GRID1: variants seen among roughly 807,000 people sequenced by gnomAD.
GRID1 encodes glutamate ionotropic receptor delta type subunit 1.
GRID1 carries 28 observed loss-of-function variants against 98.0 expected under a neutral mutation model. That is an observed-to-expected ratio of 0.29 (90% CI 0.21 to 0.39). The LOEUF is 0.39. Among genes scored for constraint, GRID1 ranks in the 10% least tolerant of loss-of-function variants. The pLI is 1.00. For synonymous variants in GRID1, 553 were observed against 538.5 expected (o/e 1.03, Z -0.37); for missense variants, 1,111 against 1,340.5 (o/e 0.83, Z 2.67).
At chr10:85,862,923 T>A (rs1334633229) in intron 6 of GRID1, among the ~76,000 whole-genome samples, 2 of 151,948 alleles carry the variant, frequency 1.3e-5, no homozygotes, top group African/African-American at 4.8e-5. Context: ...GAGGAGATAA[T>A]GGAGCACTGG....
chr10:86,255,420 C>G (rs1384820734), intron 2 of GRID1, among the ~76,000 whole-genome samples: 2 of 152,160 alleles, frequency 1.3e-5, no homozygotes, highest in Non-Finnish European at 2.9e-5. Flanking sequence ...GAGAAGCGCA[C>G]TAAGGCCAAG....
intron 8 of GRID1, among the ~76,000 whole-genome samples, chr10:85,735,167 T>C (rs1205120933): frequency 6.6e-6 from 1 of 152,202 alleles, no homozygotes; most frequent in Non-Finnish European, 1.5e-5. Flanking sequence ...GAATTTTGTT[T>C]ACAGGATCGA....
intron 4 of GRID1, among the ~76,000 whole-genome samples, chr10:85,968,450 C>CAAAAAA (rs56938729): frequency 2.9e-5 from 3 of 102,426 alleles, no homozygotes; most frequent in Non-Finnish European, 6.1e-5. Flanking sequence ...GACTCTGTCT[C>CAAAAAA]AAAAAAAAAA....
At chr10:86,355,202 C>T (rs1327280953) in intron 2 of GRID1, among the ~76,000 whole-genome samples, 1 of 152,242 alleles carries the variant, frequency 6.6e-6, no homozygotes, top group Non-Finnish European at 1.5e-5. Context: ...AGGTTGCCCA[C>T]CCAGAGTCAG....
intron 8 of GRID1, among the ~76,000 whole-genome samples, chr10:85,838,975 A>G (rs1374125632): frequency 2.0e-5 from 3 of 152,232 alleles, no homozygotes; most frequent in Non-Finnish European, 4.4e-5. Flanking sequence ...GGGAAACAGA[A>G]AAAAGCAGAG....
In GRID1 at chr10:86,130,096, T is replaced by C. The variant is rs555119858; in HGVS notation, c.726+8723A>G. 3.9e-5 allele frequency among the ~76,000 whole-genome samples: 6 copies of C among 152,360 alleles called. No homozygotes were observed. The South Asian group carries it at 1.2e-3, about 32-fold the overall frequency. On this transcript the variant is annotated intron_variant, in intron 4 of 15. Coordinates refer to ENST00000327946, the MANE Select transcript of GRID1 (RefSeq NM_017551.3). ...ATCCTCACCAGCCAGCCCAGATGCA[T>C]GAGCCAGCCCAGCTGAGATCCAGTG...
chr10:85,696,178 A>G (rs1841390805), intron 12 of GRID1, among the ~76,000 whole-genome samples: 1 of 152,200 alleles, frequency 6.6e-6, no homozygotes, highest in South Asian at 2.1e-4. Context: ...ATACAAATTC[A>G]GTCCTTAGAT....
rs574131466 is a variant in GRID1 at position 85,857,210 on chromosome 10, T to C, written c.952-1020A>G. 5.3e-5 allele frequency among the ~76,000 whole-genome samples: 8 copies of C among 152,254 alleles called. No individual in the cohort carries two copies. The South Asian group carries it at 1.7e-3, about 32-fold the overall frequency. ...CCCATCTGAGGACCACCCTTCTGCTTAGTTGTCTGATGTGAGCTCAGTGGT... is the reference window on the plus strand; with the variant it reads ...CCCATCTGAGGACCACCCTTCTGCTCAGTTGTCTGATGTGAGCTCAGTGGT... On this transcript the variant is annotated intron_variant, in intron 6 of 15. Transcript: ENST00000327946.
At chr10:85,615,876 G>A (rs1161666903) in intron 14 of GRID1, among the ~76,000 whole-genome samples, 2 of 152,218 alleles carry the variant, frequency 1.3e-5, no homozygotes, top group African/African-American at 4.8e-5. Context: ...CTTTGAGGAT[G>A]TCAGCAGTTG....
At chr10:85,827,899 C>A (rs1457139161) in intron 8 of GRID1, among the ~76,000 whole-genome samples, 1 of 152,114 alleles carries the variant, frequency 6.6e-6, no homozygotes, top group Non-Finnish European at 1.5e-5. Context: ...CTAATGAAGA[C>A]ATTCAGGACT....
chr10:86,305,094 C>T (rs1286438128), intron 2 of GRID1, among the ~76,000 whole-genome samples: 1 of 148,860 alleles, frequency 6.7e-6, no homozygotes, highest in Non-Finnish European at 1.5e-5. Context: ...GTCTTATCAG[C>T]TGAAGGGCTT....
intron 8 of GRID1, among the ~76,000 whole-genome samples, chr10:85,820,027 A>AAGGAAGGAAGGCAGGC (rs1564600207): frequency 2.3e-4 from 15 of 66,504 alleles, no homozygotes; most frequent in South Asian, 1.0e-3. Flanking sequence ...GGAAGGAAGG[A>AAGGAAGGAAGGCAGGC]AGGCAGGCAG....
At chr10:86,312,563 A>G (rs1465656090) in intron 2 of GRID1, among the ~76,000 whole-genome samples, 1 of 152,232 alleles carries the variant, frequency 6.6e-6, no homozygotes, top group African/African-American at 2.4e-5. Flanking sequence ...CCAGTGAAAT[A>G]GGAAGCAGTG....
At chr10:85,740,830 C>A (rs960706665) in intron 8 of GRID1, among the ~76,000 whole-genome samples, 1 of 151,916 alleles carries the variant, frequency 6.6e-6, no homozygotes, top group African/African-American at 2.4e-5. Flanking sequence ...TAGCTCACTG[C>A]AAACTTTGCC....
intron 2 of GRID1, among the ~76,000 whole-genome samples, chr10:86,270,980 G>A (rs1041937493): frequency 2.6e-5 from 4 of 152,180 alleles, no homozygotes; most frequent in Non-Finnish European, 4.4e-5. Context: ...CAGATTTGGA[G>A]CTCAGAGTCT....
At chr10:85,971,081 T>C (rs1476424613) in intron 4 of GRID1, among the ~76,000 whole-genome samples, 1 of 152,004 alleles carries the variant, frequency 6.6e-6, no homozygotes, top group African/African-American at 2.4e-5. Context: ...ACAATTCCAT[T>C]TACAGTAGTA....
At chr10:86,080,942 A>G (rs1361663351) in intron 4 of GRID1, among the ~76,000 whole-genome samples, 2 of 152,122 alleles carry the variant, frequency 1.3e-5, no homozygotes, top group Non-Finnish European at 2.9e-5. Context: ...ACCTGCTCTG[A>G]GTGCAAGCAA....
intron 4 of GRID1, among the ~76,000 whole-genome samples, chr10:85,940,085 AAAAG>A: frequency 6.8e-6 from 1 of 147,170 alleles, no homozygotes; most frequent in Middle Eastern, 3.6e-3. Flanking sequence ...AAAAAAAAAA[AAAAG>A]AGAGAGAGAG....
chr10:86,133,599 T>C (rs1844871353), intron 4 of GRID1, among the ~76,000 whole-genome samples: 1 of 152,240 alleles, frequency 6.6e-6, no homozygotes, highest in Admixed American at 6.5e-5. Flanking sequence ...AGGAGTTGTT[T>C]ACCAGCCAAA....
Sources: allele counts gnomAD v4.1 joint callset (sites outside exome capture counted in the v4.1 genomes callset), GRCh38; gene constraint gnomAD v4.1.1; transcripts MANE v1.5; gene names NCBI Gene and HGNC (gene_info 2026-07-23, HGNC 2026-07-21).